The following DNAH12 variants were observed in gnomAD, a reference collection of about 807,000 sequenced individuals.
DNAH12 encodes axonemal beta dynein heavy chain 12.
In DNAH12, 285 loss-of-function variants were observed where a neutral mutation model predicts 371.5. That is an observed-to-expected ratio of 0.77 (90% CI 0.70 to 0.85). DNAH12 has a LOEUF of 0.85. Among genes scored for constraint, DNAH12 ranks in the 40% least tolerant of loss-of-function variants. DNAH12 has a pLI of 0.00. For synonymous variants in DNAH12, 1,200 were observed against 1,213.0 expected (o/e 0.99, Z 0.22); for missense variants, 3,611 against 3,689.4 (o/e 0.98, Z 0.55).
chr3:57,514,408 G>T (rs1220770340), intron 4 of DNAH12, among the ~76,000 whole-genome samples: 4 of 149,034 alleles, frequency 2.7e-5, no homozygotes, highest in South Asian at 2.1e-4. Flanking sequence ...AAAAAAAAAA[G>T]AAAAATAAAT....
intron 60 of DNAH12, among the ~76,000 whole-genome samples, chr3:57,343,523 G>A (rs2062456360): frequency 6.6e-6 from 1 of 152,260 alleles, no homozygotes; most frequent in Non-Finnish European, 1.5e-5. Flanking sequence ...AGCCGCAGGG[G>A]CCTCTGCCCT....
intron 35 of DNAH12, among the ~76,000 whole-genome samples, chr3:57,424,470 C>CAAAAAAAAAAA (rs71088068): frequency 8.4e-6 from 1 of 118,364 alleles, no homozygotes; most frequent in Admixed American, 8.9e-5. Context: ...GATTCCATCT[C>CAAAAAAAAAAA]AAAAAAAAAA....
At chr3:57,467,760 C>T (rs1396797231) in intron 17 of DNAH12, among the ~76,000 whole-genome samples, 1 of 152,044 alleles carries the variant, frequency 6.6e-6, no homozygotes, top group Non-Finnish European at 1.5e-5. Context: ...TTCTTTGCCC[C>T]AGTTTTGCCA....
At chr3:57,302,237 G>A (rs1343981775) in intron 69 of DNAH12, among the ~76,000 whole-genome samples, 1 of 151,868 alleles carries the variant, frequency 6.6e-6, no homozygotes, top group African/African-American at 2.4e-5. Flanking sequence ...AATGATTTAA[G>A]GAAAAATATT....
chr3:57,344,669 T>C (rs539086041), intron 60 of DNAH12, among the ~76,000 whole-genome samples: 1 of 152,194 alleles, frequency 6.6e-6, no homozygotes, highest in Non-Finnish European at 1.5e-5. Flanking sequence ...TGACATTATG[T>C]TCAGTGAAAT....
At chr3:57,545,439 G>T (rs1226701560), upstream of DNAH12, among the ~76,000 whole-genome samples, 7 of 151,676 alleles carry the variant, frequency 4.6e-5, no homozygotes, top group African/African-American at 1.7e-4. Flanking sequence ...GATTACAGGC[G>T]TGAACCACTG....
chr3:57,480,821 T>C (rs372791297), intron 13 of DNAH12, among the ~76,000 whole-genome samples: 3 of 152,058 alleles, frequency 2.0e-5, no homozygotes, highest in Admixed American at 6.6e-5. Flanking sequence ...ACAAAAACCA[T>C]ATGATTATCT....
intron 12 of DNAH12, among the ~76,000 whole-genome samples, chr3:57,486,300 A>T (rs1293616172): frequency 6.6e-6 from 1 of 152,114 alleles, no homozygotes; most frequent in African/African-American, 2.4e-5. Context: ...CCAGGCACAG[A>T]GGCTCACGCT....
intron 22 of DNAH12, 38 bp from the exon 23 acceptor site, chr3:57,454,932 G>T: frequency 1.3e-6 from 2 of 1,525,362 alleles, no homozygotes; most frequent in South Asian, 1.3e-5. Flanking sequence ...TTAAAAGCTT[G>T]AATGAGAAAA....
chr3:57,396,323 CATTTT>C lies in DNAH12; in HGVS notation c.6949-1996_6949-1992del, dbSNP rs1432496477. Reference sequence around the variant, plus strand: ...AAAAAAAAAAAAAGAGAACCATAAACATTTTAATTTAAAATAAAATTTACAATACA... The same window carrying C: ...AAAAAAAAAAAAAGAGAACCATAAACAATTTAAAATAAAATTTACAATACA... On this transcript the variant is annotated intron_variant, in intron 43 of 73. Coordinates refer to ENST00000495027, the MANE Select transcript of DNAH12 (RefSeq NM_001366028.2). 3.7e-5 allele frequency among the ~76,000 whole-genome samples: 5 copies of C among 134,052 alleles called. No individual in the cohort carries two copies. In the East Asian group the frequency reaches 6.8e-4, roughly 18 times the overall value. 87.9% of individuals were successfully genotyped at this position (134,052 alleles called of 152,430 possible). A position where few individuals can be genotyped will look rare whatever the true frequency, so the allele number is the denominator to read the frequency against.
intron 39 of DNAH12, among the ~76,000 whole-genome samples, 157 bp downstream of exon 39, chr3:57,413,589 G>A (rs1404684920): frequency 1.3e-5 from 2 of 152,106 alleles, no homozygotes; most frequent in African/African-American, 2.4e-5. Flanking sequence ...ATTTAAAATA[G>A]TCTTTTCGAA....
intron 60 of DNAH12, among the ~76,000 whole-genome samples, chr3:57,335,234 G>C (rs941474357): frequency 1.3e-5 from 2 of 152,160 alleles, no homozygotes; most frequent in Non-Finnish European, 2.9e-5. Context: ...CAGAATCAGA[G>C]CTCTGCAGTA....
intron 57 of DNAH12, among the ~76,000 whole-genome samples, chr3:57,364,701 T>A (rs1245697103): frequency 6.6e-6 from 1 of 151,876 alleles, no homozygotes; most frequent in South Asian, 2.1e-4. Flanking sequence ...TGGGAGAAAA[T>A]TTTTGCAATC....
chr3:57,422,680 T>G (rs1178330530), intron 35 of DNAH12, among the ~76,000 whole-genome samples: 1 of 152,194 alleles, frequency 6.6e-6, no homozygotes, highest in African/African-American at 2.4e-5. Flanking sequence ...TAAAATGTCC[T>G]TACCAAATAA....
chr3:57,302,559 A>ATTTTTTTTTTTTTTTTTTTTTT (rs1436244232), intron 69 of DNAH12, among the ~76,000 whole-genome samples: 1 of 61,376 alleles, frequency 1.6e-5, no homozygotes, highest in Non-Finnish European at 3.1e-5. Context: ...ATATATATAT[A>ATTTTTTTTTTTTTTTTTTTTTT]TATATGTATT....
intron 60 of DNAH12, among the ~76,000 whole-genome samples, chr3:57,342,794 C>T (rs2062438769): frequency 6.6e-6 from 1 of 152,012 alleles, no homozygotes; most frequent in Non-Finnish European, 1.5e-5. Context: ...GCAAATGAGG[C>T]TAGCATGATG....
chr3:57,365,862 CAT>C (rs1277920997), intron 57 of DNAH12, among the ~76,000 whole-genome samples: 159 of 147,986 alleles, frequency 1.1e-3, no homozygotes, highest in African/African-American at 3.5e-3. Context: ...TGTGTGTACA[CAT>C]ATATATATAT....
chr3:57,363,427 T>G (rs984782352), intron 58 of DNAH12, among the ~76,000 whole-genome samples, 167 bp downstream of exon 58: 8 of 152,230 alleles, frequency 5.3e-5, no homozygotes, highest in Non-Finnish European at 1.2e-4. Flanking sequence ...CAGTAAGATA[T>G]TCTCTTATGA....
At chr3:57,421,418 G>A (rs940277597) in intron 36 of DNAH12, 100 bp downstream of exon 36, 55 of 1,160,942 alleles carry the variant, frequency 4.7e-5, no homozygotes, top group East Asian at 1.8e-4. Flanking sequence ...AAAGCTCACC[G>A]CAGGAGTCAA....
Sources: allele counts gnomAD v4.1 joint callset (sites outside exome capture counted in the v4.1 genomes callset), GRCh38; gene constraint gnomAD v4.1.1; transcripts MANE v1.5; gene names NCBI Gene and HGNC (gene_info 2026-07-23, HGNC 2026-07-21).